The following EXOC4 variants were observed in gnomAD, a reference collection of about 807,000 sequenced individuals.
The protein encoded by EXOC4 is SEC8-like 1.
A neutral mutation model predicts 107.2 loss-of-function variants in EXOC4; 71 were observed. That is an observed-to-expected ratio of 0.66 (90% CI 0.55 to 0.81). The LOEUF is 0.81. EXOC4 is among the 30% of genes least tolerant of loss of function. The pLI, the probability that EXOC4 is intolerant of heterozygous loss-of-function variation, is 0.00. For synonymous variants in EXOC4, 456 were observed against 441.2 expected (o/e 1.03, Z -0.42); for missense variants, 1,108 against 1,189.6 (o/e 0.93, Z 1.01).
chr7:133,685,038 C>A (rs1794266206), intron 10 of EXOC4, among the ~76,000 whole-genome samples: 1 of 152,202 alleles, frequency 6.6e-6, no homozygotes, highest in Non-Finnish European at 1.5e-5. Flanking sequence ...AATTTGCCTT[C>A]AATTTAGGCC....
chr7:133,664,799 G>C (rs996454861), intron 10 of EXOC4, among the ~76,000 whole-genome samples: 1 of 152,022 alleles, frequency 6.6e-6, no homozygotes, highest in Admixed American at 6.6e-5. Flanking sequence ...TCTGTAGGCT[G>C]AGCAACCATG....
intron 10 of EXOC4, among the ~76,000 whole-genome samples, chr7:133,753,928 GT>G (rs1469999556): frequency 6.6e-6 from 1 of 152,146 alleles, no homozygotes; most frequent in Non-Finnish European, 1.5e-5. Flanking sequence ...GGAAGAGAAG[GT>G]GATTATAATT....
chr7:133,778,193 T>C (rs1562993297), intron 10 of EXOC4, among the ~76,000 whole-genome samples: 1 of 152,176 alleles, frequency 6.6e-6, no homozygotes, highest in Admixed American at 6.5e-5. Flanking sequence ...CATCTCTTGA[T>C]GCTTATCTTA....
At chr7:133,542,614 T>G (rs1213445799) in intron 9 of EXOC4, among the ~76,000 whole-genome samples, 1 of 152,072 alleles carries the variant, frequency 6.6e-6, no homozygotes, top group Non-Finnish European at 1.5e-5. Context: ...CTAGTTTCTG[T>G]GGGTAGCCTT....
intron 12 of EXOC4, among the ~76,000 whole-genome samples, chr7:133,913,818 A>C (rs536970113): frequency 6.6e-6 from 1 of 152,344 alleles, no homozygotes; most frequent in Non-Finnish European, 1.5e-5. Flanking sequence ...AGATGGTTCA[A>C]GCTGTGCAAG....
intron 13 of EXOC4, among the ~76,000 whole-genome samples, chr7:133,935,431 T>C (rs1800277115): frequency 6.6e-6 from 1 of 152,138 alleles, no homozygotes. Context: ...AGGGTACTTT[T>C]ACCAAGAACG....
chr7:133,310,974 T>C (rs1794857907), intron 4 of EXOC4, among the ~76,000 whole-genome samples: 1 of 152,178 alleles, frequency 6.6e-6, no homozygotes, highest in Non-Finnish European at 1.5e-5. Flanking sequence ...TGAAGGCACT[T>C]ACGTATAAAG....
intron 17 of EXOC4, among the ~76,000 whole-genome samples, chr7:134,057,021 G>T (rs1053845366): frequency 6.6e-6 from 1 of 152,170 alleles, no homozygotes; most frequent in African/African-American, 2.4e-5. Flanking sequence ...TTAACTTTCA[G>T]CGTCTCCCCA....
intron 9 of EXOC4, among the ~76,000 whole-genome samples, chr7:133,549,013 T>C (rs370522344): frequency 5.9e-5 from 9 of 152,352 alleles, no homozygotes; most frequent in East Asian, 1.9e-4. Flanking sequence ...TTAGTTAATA[T>C]GTTTTCTTGA....
intron 10 of EXOC4, among the ~76,000 whole-genome samples, chr7:133,716,799 GTGTGGTGGTGCGCACC>G (rs1410747908): frequency 3.9e-5 from 6 of 152,012 alleles, no homozygotes; most frequent in Non-Finnish European, 8.8e-5. Context: ...AATTAGCAAG[GTGTGGTGGTGCGCACC>G]TGTATTCCAA....
chr7:133,255,531 T>A (rs1193442135), intron 1 of EXOC4, among the ~76,000 whole-genome samples: 1 of 152,186 alleles, frequency 6.6e-6, no homozygotes, highest in East Asian at 1.9e-4. Flanking sequence ...ACTTTTGTGA[T>A]ATAGTTTTTA....
At chr7:133,528,107 T>A (rs1800114414) in intron 9 of EXOC4, among the ~76,000 whole-genome samples, 1 of 152,206 alleles carries the variant, frequency 6.6e-6, no homozygotes, top group African/African-American at 2.4e-5. Flanking sequence ...CCATTTAATT[T>A]TTCCTAGCAG....
chr7:133,776,245 A>ATT (rs1193291915), intron 10 of EXOC4, among the ~76,000 whole-genome samples: 3 of 152,286 alleles, frequency 2.0e-5, no homozygotes, highest in African/African-American at 7.2e-5. Flanking sequence ...CTATGAATAC[A>ATT]AATGGTGTTG....
chr7:133,793,642 C>G (rs1194686855), intron 10 of EXOC4, among the ~76,000 whole-genome samples: 1 of 152,092 alleles, frequency 6.6e-6, no homozygotes, highest in Non-Finnish European at 1.5e-5. Context: ...GTCAGGAATT[C>G]TAGACCAGCC....
intron 11 of EXOC4, among the ~76,000 whole-genome samples, chr7:133,863,973 C>A (rs1192121661): frequency 3.9e-5 from 6 of 152,152 alleles, no homozygotes; most frequent in Non-Finnish European, 8.8e-5. Context: ...ATAGGTATAT[C>A]TTCTGATGTT....
At chr7:133,953,703 C>T (rs1800747644) in intron 14 of EXOC4, among the ~76,000 whole-genome samples, 1 of 152,088 alleles carries the variant, frequency 6.6e-6, no homozygotes, top group South Asian at 2.1e-4. Flanking sequence ...ACCCTCCTTT[C>T]ACTCCTAGAG....
chr7:133,707,080 T>G (rs1280219364), intron 10 of EXOC4, among the ~76,000 whole-genome samples: 1 of 152,090 alleles, frequency 6.6e-6, no homozygotes, highest in African/African-American at 2.4e-5. Context: ...TTTTTTTTTT[T>G]GCCTGTTCTT....
intron 9 of EXOC4, among the ~76,000 whole-genome samples, chr7:133,600,412 T>C (rs888407159): frequency 6.6e-6 from 1 of 152,194 alleles, no homozygotes; most frequent in African/African-American, 2.4e-5. Context: ...ACTTAGTAGC[T>C]ACGTTATTAT....
chr7:133,562,287 G>C (rs1800819711), intron 9 of EXOC4, among the ~76,000 whole-genome samples: 1 of 152,160 alleles, frequency 6.6e-6, no homozygotes, highest in African/African-American at 2.4e-5. Context: ...GTTGGTTTCT[G>C]CTCCTATGAT....
Sources: allele counts gnomAD v4.1 joint callset (sites outside exome capture counted in the v4.1 genomes callset), GRCh38; gene constraint gnomAD v4.1.1; transcripts MANE v1.5; gene names NCBI Gene and HGNC (gene_info 2026-07-23, HGNC 2026-07-21).